The following SLC24A2 variants were observed in gnomAD, a reference collection of about 807,000 sequenced individuals.
SLC24A2 encodes the protein solute carrier family 24 member 2, also known as sodium/potassium/calcium exchanger 2.
In SLC24A2, 36 loss-of-function variants were observed where a neutral mutation model predicts 62.0. The ratio of observed to expected loss-of-function variants is 0.58; its 90% confidence interval spans 0.44 to 0.77. The LOEUF is 0.77. SLC24A2 is among the 30% of genes least tolerant of loss of function. The pLI, the probability that SLC24A2 is intolerant of heterozygous loss-of-function variation, is 0.00. For synonymous variants in SLC24A2, 358 were observed against 294.0 expected, an observed-to-expected ratio of 1.22 and a Z score of -2.23; for missense variants, 846 against 817.9, an observed-to-expected ratio of 1.03 and a Z score of -0.42.
the SLC24A2 span, among the ~76,000 whole-genome samples, chr9:19,874,282 G>T: frequency 6.6e-6 from 1 of 151,892 alleles, no homozygotes; most frequent in African/African-American, 2.4e-5. Context: ...GTTTCGCCAT[G>T]TTGGCCAGGC....
the SLC24A2 span, among the ~76,000 whole-genome samples, chr9:20,233,697 C>T: frequency 6.6e-6 from 1 of 152,152 alleles, no homozygotes; most frequent in African/African-American, 2.4e-5. Context: ...CAGTCTGTGT[C>T]TTTTAATTGA....
chr9:19,819,783 GA>G, the SLC24A2 span, among the ~76,000 whole-genome samples: 1 of 151,812 alleles, frequency 6.6e-6, no homozygotes, highest in Non-Finnish European at 1.5e-5. Context: ...AGCCACTATG[GA>G]AAACAGTGTG....
At chr9:20,207,084 T>C in the SLC24A2 span, among the ~76,000 whole-genome samples, 2 of 152,318 alleles carry the variant, frequency 1.3e-5, no homozygotes, top group Admixed American at 6.5e-5. Flanking sequence ...ATTTAGTAAA[T>C]ACTGAGTAAC....
the SLC24A2 span, among the ~76,000 whole-genome samples, chr9:20,255,652 G>T: frequency 3.3e-5 from 5 of 152,136 alleles, no homozygotes; most frequent in Non-Finnish European, 7.4e-5. Flanking sequence ...CTCACAGTAT[G>T]GAGAGTGGAA....
At chr9:19,818,697 A>T in the SLC24A2 span, among the ~76,000 whole-genome samples, 1 of 152,158 alleles carries the variant, frequency 6.6e-6, no homozygotes, top group African/African-American at 2.4e-5. Flanking sequence ...GAAATCATAG[A>T]TGACACAAAC....
the SLC24A2 span, among the ~76,000 whole-genome samples, chr9:20,139,651 G>A: frequency 3.7e-4 from 57 of 152,118 alleles, no homozygotes; most frequent in African/African-American, 1.3e-3. Flanking sequence ...GTATTATTTT[G>A]TTCCCATAAA....
chr9:20,017,691 A>G, the SLC24A2 span, among the ~76,000 whole-genome samples: 9 of 152,294 alleles, frequency 5.9e-5, no homozygotes, highest in Admixed American at 3.9e-4. Context: ...CCCCTGGTAA[A>G]TCACTGGTGT....
chr9:20,242,344 C>CTA, the SLC24A2 span, among the ~76,000 whole-genome samples: 2 of 152,186 alleles, frequency 1.3e-5, no homozygotes, highest in African/African-American at 4.8e-5. Context: ...GAAAGACTTC[C>CTA]TACTCGATGC....
At chr9:20,300,336 T>C in the SLC24A2 span, among the ~76,000 whole-genome samples, 1 of 152,238 alleles carries the variant, frequency 6.6e-6, no homozygotes, top group African/African-American at 2.4e-5. Context: ...AGCTCCTCCA[T>C]CAAACTTTGT....
chr9:19,738,492 C>T (rs1256114001), intron 2 of SLC24A2, among the ~76,000 whole-genome samples: 2 of 150,282 alleles, frequency 1.3e-5, no homozygotes, highest in African/African-American at 4.9e-5. Flanking sequence ...TCAGTTTTAA[C>T]CAAAACAATA....
At chr9:20,272,297 G>A in the SLC24A2 span, among the ~76,000 whole-genome samples, 16 of 152,312 alleles carry the variant, frequency 1.1e-4, no homozygotes, top group African/African-American at 3.8e-4. Context: ...AGATGTCAGA[G>A]GGAGATTTCT....
At chr9:20,277,444 C>A in the SLC24A2 span, among the ~76,000 whole-genome samples, 1 of 151,722 alleles carries the variant, frequency 6.6e-6, no homozygotes, top group South Asian at 2.1e-4. Context: ...ACAGACACTT[C>A]TCAAAAGAAG....
At chr9:19,887,442 A>G in the SLC24A2 span, among the ~76,000 whole-genome samples, 1 of 152,200 alleles carries the variant, frequency 6.6e-6, no homozygotes, top group Admixed American at 6.5e-5. Flanking sequence ...CAACAAACAT[A>G]TGAAAAAATG....
At position 19,786,593 on chromosome 9, in the gene SLC24A2, C is replaced by A. The variant is rs1437735116; in HGVS notation, c.274G>T (p.Asp92Tyr). 3.7e-6 allele frequency: 6 copies of A among 1,614,152 alleles called. No individual in the cohort carries two copies. Among genetic ancestry groups the A allele is most frequent in the Non-Finnish European group, 5.1e-6 (6 of 1,180,024 alleles). ...TGTGGAGTATAATCCAGAATCTTGT[C>A]ATTTAAATCTAAGAGAGTTCTCTGA... Reference protein sequence around the residue: ...YHQRTLLDLNDKILDYTPQPP... With the variant: ...YHQRTLLDLNYKILDYTPQPP... The change falls in exon 2 of 11, where the codon GAC (aspartate) becomes TAC (tyrosine). Residue 92 changes from aspartate (D) to tyrosine (Y), a missense_variant. By Grantham distance (160) the Asp-to-Tyr change is radical. Transcript: ENST00000341998. This position sits in a 1 kb window ranked among gnomAD's most constrained non-coding sequence, Gnocchi z 5.0.
intron 7 of SLC24A2, among the ~76,000 whole-genome samples, chr9:19,561,608 G>A (rs1481388914): frequency 1.3e-5 from 2 of 151,516 alleles, no homozygotes; most frequent in African/African-American, 2.4e-5. Context: ...CTAATTTTTT[G>A]TATTTTTAGT....
At chr9:19,539,379 T>C (rs368386465) in intron 8 of SLC24A2, among the ~76,000 whole-genome samples, 12 of 151,240 alleles carry the variant, frequency 7.9e-5, no homozygotes, top group South Asian at 2.1e-4. Flanking sequence ...GCTTTGAATG[T>C]GTCCCAGAGA....
intron 8 of SLC24A2, among the ~76,000 whole-genome samples, chr9:19,535,020 G>C (rs1487044687): frequency 6.6e-6 from 1 of 152,148 alleles, no homozygotes; most frequent in East Asian, 1.9e-4. Context: ...TCCAGCACCT[G>C]TTGTTTCCTG....
intron 7 of SLC24A2, among the ~76,000 whole-genome samples, chr9:19,553,920 C>G (rs1348844653): frequency 6.6e-6 from 1 of 152,164 alleles, no homozygotes; most frequent in Non-Finnish European, 1.5e-5. Flanking sequence ...CTATTATGGA[C>G]TGAATTGTGT....
upstream of SLC24A2, among the ~76,000 whole-genome samples, chr9:19,789,721 G>C (rs1823283359): frequency 6.6e-6 from 1 of 152,214 alleles, no homozygotes; most frequent in Admixed American, 6.5e-5. Context: ...TGAGAGACTA[G>C]AATCTGGGCC....
Sources: gnomAD v4.1 joint callset for allele counts (sites outside exome capture counted in the v4.1 genomes callset) on GRCh38, gnomAD v4.1.1 for gene constraint, Gnocchi (gnomAD v3.1) non-coding constraint, MANE v1.5 for transcripts, NCBI Gene and HGNC (gene_info 2026-07-23, HGNC 2026-07-21) for gene names.